AFG1L: variants seen among roughly 807,000 people sequenced by gnomAD.
AFG1L encodes AFG1-like ATPase.
Under a neutral mutation model 62.2 loss-of-function variants are expected in AFG1L, and 53 were observed. That is an observed-to-expected ratio of 0.85 (90% CI 0.68 to 1.07). The LOEUF is 1.07. Ranked by LOEUF, AFG1L falls within the 50% of genes least tolerant of loss-of-function variation. The probability of loss-of-function intolerance (pLI) is 0.00; values close to 1 mark genes in which losing one functional copy is unlikely to be tolerated. For missense variants in AFG1L, 555 were observed against 590.5 expected, an observed-to-expected ratio of 0.94 and a Z score of 0.62; for synonymous variants, 228 against 210.3, an observed-to-expected ratio of 1.08 and a Z score of -0.73.
chr6:108,483,194 G>A (rs1353145230), intron 10 of AFG1L, among the ~76,000 whole-genome samples: 2 of 150,996 alleles, frequency 1.3e-5, no homozygotes, highest in Admixed American at 6.7e-5. Context: ...TGCCATTCTT[G>A]TTAGTTATTT....
intron 6 of AFG1L, among the ~76,000 whole-genome samples, chr6:108,400,657 T>C (rs1302603798): frequency 1.8e-5 from 2 of 110,436 alleles, no homozygotes; most frequent in African/African-American, 8.6e-5. Context: ...TTATGTATAA[T>C]ATATATAATT....
intron 6 of AFG1L, among the ~76,000 whole-genome samples, chr6:108,368,015 A>C (rs1779830492): frequency 6.6e-6 from 1 of 152,152 alleles, no homozygotes; most frequent in Non-Finnish European, 1.5e-5. Context: ...TAACAGACCC[A>C]GATCTTACTA....
At chr6:108,377,740 G>T (rs1258872673) in intron 6 of AFG1L, among the ~76,000 whole-genome samples, 1 of 150,734 alleles carries the variant, frequency 6.6e-6, no homozygotes, top group Admixed American at 6.6e-5. Context: ...TGTTCATTTT[G>T]TATATAGTAT....
At chr6:108,448,033 A>ATG (rs1771888849) in intron 8 of AFG1L, among the ~76,000 whole-genome samples, 1 of 152,210 alleles carries the variant, frequency 6.6e-6, no homozygotes, top group African/African-American at 2.4e-5. Flanking sequence ...TTAAATTTTG[A>ATG]TGACAACGTG....
chr6:108,457,157 T>A (rs1453740781), intron 8 of AFG1L, among the ~76,000 whole-genome samples: 2 of 152,188 alleles, frequency 1.3e-5, no homozygotes, highest in Admixed American at 1.3e-4. Context: ...TACTATAAGA[T>A]GTGGTCTTTG....
At position 108,369,109 on chromosome 6, in the gene AFG1L, G is replaced by A. The variant is rs189207268; in HGVS notation, c.748+2777G>A. Among the ~76,000 whole-genome samples the A allele has an allele frequency of 7.2e-5, 11 of 152,106 alleles. No homozygotes were observed. The South Asian group carries it at 1.0e-3, about 14-fold the overall frequency. On this transcript the variant is annotated intron_variant, in intron 6 of 12. Coordinates refer to ENST00000368977, the MANE Select transcript of AFG1L (RefSeq NM_145315.5). ...ATGAAGATGACATGTATATGTGTGC[G>A]TGTGTGTGTGTATAATTTTATTTGT...
At chr6:108,473,092 C>A (rs147129607) in intron 8 of AFG1L, among the ~76,000 whole-genome samples, 3 of 152,038 alleles carry the variant, frequency 2.0e-5, no homozygotes, top group African/African-American at 7.2e-5. Context: ...ATGCGTCCCA[C>A]GCCTGGATTA....
intron 6 of AFG1L, among the ~76,000 whole-genome samples, chr6:108,395,403 CTTTTTTTTTT>C (rs71551344): frequency 1.6e-5 from 2 of 122,940 alleles, no homozygotes; most frequent in East Asian, 4.5e-4. Context: ...CTTTTCTTTT[CTTTTTTTTTT>C]TTTTTTTGAG....
intron 10 of AFG1L, among the ~76,000 whole-genome samples, chr6:108,502,583 G>A (rs1482146091): frequency 8.6e-5 from 13 of 151,820 alleles, no homozygotes; most frequent in Admixed American, 2.6e-4. Context: ...CAAGTGATCC[G>A]CCCACCTCGG....
intron 1 of AFG1L, chr6:108,318,067 A>G (rs1398277193): frequency 6.5e-6 from 1 of 153,924 alleles, no homozygotes; most frequent in Non-Finnish European, 1.4e-5. Flanking sequence ...TGTAGATAGC[A>G]TTCCCATAAA....
intron 2 of AFG1L, among the ~76,000 whole-genome samples, chr6:108,334,170 C>G (rs1778386994): frequency 6.6e-6 from 1 of 152,064 alleles, no homozygotes; most frequent in African/African-American, 2.4e-5. Context: ...CCACGCCTGG[C>G]TAATTTTTGT....
Position 108,355,718 on chromosome 6 carries a change from G to T in AFG1L, c.480G>T (p.Arg160=). The change falls in exon 4 of 13, where the codon CGG becomes CGT. Residue 160 remains arginine, a synonymous_variant. Coordinates refer to ENST00000368977, the MANE Select transcript of AFG1L (RefSeq NM_145315.5). ...YAYVEMKRKK[R]VHFHGFMLDV... ...ATGTGGAAATGAAGAGGAAAAAACG[G>T]GTTCATTTTCATGGTTTCATGCTAG... 1.2e-6 allele frequency: 2 copies of T among 1,610,758 alleles called. No homozygotes were observed. The highest frequency in any genetic ancestry group is 1.7e-6 in the Non-Finnish European group (2 of 1,178,912).
At chr6:108,330,848 A>AAAAT (rs1204725966) in intron 2 of AFG1L, among the ~76,000 whole-genome samples, 9 of 152,224 alleles carry the variant, frequency 5.9e-5, no homozygotes, top group Non-Finnish European at 1.0e-4. Context: ...TACCTGTTTA[A>AAAAT]AAATAAATAA....
At chr6:108,302,099 A>G (rs1777023868) in intron 1 of AFG1L, among the ~76,000 whole-genome samples, 1 of 152,150 alleles carries the variant, frequency 6.6e-6, no homozygotes, top group Admixed American at 6.5e-5. Context: ...GGTGTCCACC[A>G]CCATGCCCTG....
intron 7 of AFG1L, among the ~76,000 whole-genome samples, chr6:108,422,007 T>C (rs925880483): frequency 7.2e-5 from 11 of 152,126 alleles, no homozygotes; most frequent in African/African-American, 2.4e-4. Context: ...TGTTTTATAA[T>C]AGAAAATATA....
At chr6:108,306,045 A>G (rs994026046) in intron 1 of AFG1L, among the ~76,000 whole-genome samples, 3 of 152,212 alleles carry the variant, frequency 2.0e-5, no homozygotes, top group African/African-American at 7.2e-5. Flanking sequence ...CTGGGACTAC[A>G]GGTGCCTGTC....
chr6:108,401,105 T>A (rs1781585054), intron 6 of AFG1L, among the ~76,000 whole-genome samples: 1 of 150,772 alleles, frequency 6.6e-6, no homozygotes, highest in South Asian at 2.1e-4. Flanking sequence ...GTAGTTGGGC[T>A]TACAGTTCCC....
intron 12 of AFG1L, chr6:108,520,445 A>G (rs1775081878): frequency 6.6e-6 from 1 of 152,214 alleles, no homozygotes; most frequent in African/African-American, 2.4e-5. Flanking sequence ...CAGGCCAACT[A>G]GAAGTGACTT....
chr6:108,382,220 G>A (rs1461541303), intron 6 of AFG1L, among the ~76,000 whole-genome samples: 1 of 151,938 alleles, frequency 6.6e-6, no homozygotes, highest in African/African-American at 2.4e-5. Context: ...AGCTGGTCTC[G>A]AACTCCCGAC....
Sources: allele counts gnomAD v4.1 joint callset (sites outside exome capture counted in the v4.1 genomes callset), GRCh38; gene constraint gnomAD v4.1.1; transcripts MANE v1.5; gene names NCBI Gene and HGNC (gene_info 2026-07-23, HGNC 2026-07-21).